The following TUBGCP2 variants were observed in gnomAD, a reference collection of about 807,000 sequenced individuals.
TUBGCP2 encodes gamma-tubulin complex component 2.
Under a neutral mutation model 92.2 loss-of-function variants are expected in TUBGCP2, and 55 were observed. The ratio of observed to expected loss-of-function variants is 0.60; its 90% CI spans 0.48 to 0.75. The LOEUF (loss-of-function observed/expected upper bound fraction) is 0.75, where lower values mean the gene tolerates loss of function less well. TUBGCP2 is among the 30% of genes least tolerant of loss of function. TUBGCP2 has a pLI of 0.00. For missense variants in TUBGCP2, 1,093 were observed against 1,188.9 expected, an observed-to-expected ratio of 0.92 and a Z score of 1.19; for synonymous variants, 533 against 505.2, an observed-to-expected ratio of 1.06 and a Z score of -0.74.
intron 2 of TUBGCP2, chr10:133,302,576 C>A: frequency 1.7e-6 from 1 of 593,436 alleles, no homozygotes; most frequent in Admixed American, 3.0e-5. Context: ...GTTCACCCTG[C>A]ACCATCCTGA....
At chr10:133,289,121 G>A (rs1847208703) in intron 9 of TUBGCP2, 101 bp from the exon 10 acceptor site, 2 of 1,331,610 alleles carry the variant, frequency 1.5e-6, no homozygotes, top group Non-Finnish European at 1.0e-6. Context: ...CATTGAATGG[G>A]CTCTCCACAC....
At chr10:133,288,022 C>T in intron 11 of TUBGCP2, 107 bp downstream of exon 11, 1 of 1,394,236 alleles carries the variant, frequency 7.2e-7, no homozygotes, top group Non-Finnish European at 9.5e-7. Flanking sequence ...CCTGCGGTCG[C>T]CTCACCGGGA....
chr10:133,299,764 C>T (rs559504064), intron 3 of TUBGCP2, among the ~76,000 whole-genome samples, 161 bp from the exon 4 acceptor site: 3 of 152,284 alleles, frequency 2.0e-5, no homozygotes, highest in East Asian at 1.9e-4. Context: ...GTGACACATG[C>T]GGGAAGCTCA....
chr10:133,307,717 C>T (rs1407520715), intron 1 of TUBGCP2, among the ~76,000 whole-genome samples: 2 of 152,156 alleles, frequency 1.3e-5, no homozygotes, highest in Non-Finnish European at 2.9e-5. Context: ...TGCACTCCAG[C>T]CTGAGCGACA....
At chr10:133,299,202 T>C (rs1039090576) in intron 4 of TUBGCP2, among the ~76,000 whole-genome samples, 1 of 152,104 alleles carries the variant, frequency 6.6e-6, no homozygotes, top group Non-Finnish European at 1.5e-5. Flanking sequence ...CTATTGATTC[T>C]TGTGGTCCAG....
Position 133,288,899 on chromosome 10 carries a change from G to A in TUBGCP2, c.1482C>T (p.Tyr494=), listed in dbSNP as rs373961133. The A allele has an allele frequency of 1.2e-5, 20 of 1,614,046 alleles. No individual in the cohort carries two copies. Among genetic ancestry groups the A allele is most frequent in the African/African-American group, 5.3e-5 (4 of 74,946 alleles). ...GGAAGTCCAGCAGCACCTTGCTGGC[G>A]TAGTTAAACGCCTTCTCGATCTGCT... ...YVEQIEKAFN[Y]ASKVLLDFLM... is the part of the protein sequence containing the mutation. The change falls in exon 10 of 18, where the codon TAC becomes TAT. Residue 494 remains tyrosine (Y), a synonymous_variant. Transcript: ENST00000252936.
At chr10:133,303,482 C>A (rs1847729586) in intron 1 of TUBGCP2, among the ~76,000 whole-genome samples, 2 of 152,372 alleles carry the variant, frequency 1.3e-5, no homozygotes, top group South Asian at 4.1e-4. Context: ...GCAGGGAATG[C>A]TCTGCTGCTC....
Position 133,279,605 on chromosome 10 carries a change from G to C in TUBGCP2, c.*161C>G. The C allele has an allele frequency of 8.5e-7, 1 of 1,175,436 alleles. No individual in the cohort carries two copies. The highest frequency in any genetic ancestry group is 1.1e-6 in the Non-Finnish European group (1 of 889,960). The allele number at this position is 1,175,436 out of a possible 1,614,324, so 72.8% of individuals were successfully genotyped here. On this transcript the variant is annotated 3_prime_UTR_variant, in exon 18 of 18. Transcript: ENST00000252936. The stretch of plus-strand genomic sequence containing the variant: ...CCTGCCTGGGCAGCTTCTATAAAAC[G>C]AAACCCAGCGCCTTGAGAAACAAAG...
chr10:133,293,011 G>T, intron 7 of TUBGCP2, 28 bp downstream of exon 7: 2 of 1,607,994 alleles, frequency 1.2e-6, no homozygotes, highest in African/African-American at 1.3e-5. Flanking sequence ...ACCCACCACT[G>T]CCCCATGCCC....
intron 17 of TUBGCP2, among the ~76,000 whole-genome samples, 162 bp from the exon 18 acceptor site, chr10:133,280,063 CCTT>C (rs1318798129): frequency 5.3e-5 from 8 of 152,188 alleles, no homozygotes; most frequent in Admixed American, 1.3e-4. Flanking sequence ...GGCACACACT[CCTT>C]CTGCGGGTCC....
intron 16 of TUBGCP2, 112 bp downstream of exon 16, chr10:133,282,111 G>A (rs1008275822): frequency 1.7e-5 from 25 of 1,511,740 alleles, no homozygotes; most frequent in Non-Finnish European, 2.1e-5. Flanking sequence ...TTCAATCTGA[G>A]GGGAGATGGA....
At chr10:133,282,863 G>A (rs926085361) in intron 15 of TUBGCP2, among the ~76,000 whole-genome samples, 2 of 152,226 alleles carry the variant, frequency 1.3e-5, no homozygotes, top group Admixed American at 1.3e-4. Context: ...GATGGTTCGG[G>A]AGGAACACAG....
At chr10:133,293,438 G>A (rs149575927) in intron 6 of TUBGCP2, 124 bp downstream of exon 6, 239 of 1,259,908 alleles carry the variant, frequency 1.9e-4, no homozygotes, top group African/African-American at 1.5e-3. Flanking sequence ...AGTTGGGCAC[G>A]GAGTTGTCAC....
upstream of TUBGCP2, among the ~76,000 whole-genome samples, chr10:133,311,338 G>A (rs761524239): frequency 8.5e-5 from 13 of 152,282 alleles, no homozygotes; most frequent in South Asian, 6.2e-4. Flanking sequence ...GAGAAAAACC[G>A]TGCAATGCTG....
chr10:133,282,201 G>T, intron 16 of TUBGCP2, 22 bp downstream of exon 16: 2 of 1,611,112 alleles, frequency 1.2e-6, no homozygotes, highest in Non-Finnish European at 1.7e-6. Flanking sequence ...TCTCTCTCTG[G>T]CCAAACCTGG....
Position 133,285,255 on chromosome 10 carries a change from C to A in TUBGCP2, c.1896-42G>T. 1 of 1,607,700 alleles carries A rather than the reference C, an allele frequency of 6.2e-7. No homozygotes were observed. Among genetic ancestry groups the A allele is most frequent in the Non-Finnish European group, 8.5e-7 (1 of 1,179,772 alleles). On this transcript the variant is annotated intron_variant, in intron 12 of 17. Coordinates refer to ENST00000252936, the MANE Select transcript of TUBGCP2 (RefSeq NM_006659.4). The surrounding 1 kb of genome is among the most constrained non-coding windows in gnomAD (Gnocchi z 6.8). ...GGCACCTCAGGTGGGCCTCCGTGAC[C>A]GGCGGCGTCGTGGACACGGCGTCTG...
At chr10:133,308,700 A>C (rs1847889825) in intron 1 of TUBGCP2, 123 bp downstream of exon 1, 2 of 290,920 alleles carry the variant, frequency 6.9e-6, no homozygotes, top group Admixed American at 5.2e-5. Context: ...ACCGCTGCAC[A>C]GCCAGAGGGA....
Position 133,302,920 on chromosome 10 carries a change from G to A in TUBGCP2, c.22C>T (p.His8Tyr). 1.2e-6 allele frequency: 2 copies of A among 1,614,024 alleles called. No individual in the cohort carries two copies. The highest frequency in any genetic ancestry group is 2.2e-5 in the East Asian group (1 of 44,890). Residue 8 changes from histidine (H) to tyrosine (Y), a missense_variant, in exon 2 of 18, where the codon CAT (histidine) becomes TAT (tyrosine). This residue lies in a region of TUBGCP2 where 490 missense variants were observed against 488.5 expected (regional missense o/e 1.00). Transcript: ENST00000252936. ...AGGCTAAGCAGTTCATTGACGTCAT[G>A]GTGAATCCGAAATTCACTCATAGTT... Reference protein sequence around the residue: MSEFRIHHDVNELLSLLR... With the variant: MSEFRIHYDVNELLSLLR...
At position 133,299,997 on chromosome 10, in the gene TUBGCP2, C is replaced by T. The variant is rs182734730; in HGVS notation, c.267G>A (p.Thr89=). 100 of 1,614,060 alleles carry T rather than the reference C, an allele frequency of 6.2e-5. No individual in the cohort carries two copies. The highest frequency in any genetic ancestry group is 5.8e-4 in the Admixed American group (35 of 59,994). The change falls in exon 3 of 18, where the codon ACG becomes ACA. Residue 89 remains threonine (T), a synonymous_variant. Coordinates refer to ENST00000252936, the MANE Select transcript of TUBGCP2 (RefSeq NM_006659.4). ...DPLVYLLSKL[T]EDKETLQYLQ... is the part of the protein sequence containing the mutation. Reference sequence around the variant, plus strand: ...CATGGGCACCTACCTCTTTGTCTTCCGTGAGCTTTGACAACAGGTACACCA... The same window carrying T: ...CATGGGCACCTACCTCTTTGTCTTCTGTGAGCTTTGACAACAGGTACACCA...
Sources: allele counts gnomAD v4.1 joint callset (sites outside exome capture counted in the v4.1 genomes callset), GRCh38; gene constraint gnomAD v4.1.1; regional missense constraint gnomAD v4.1.1; non-coding constraint Gnocchi (gnomAD v3.1); transcripts MANE v1.5; gene names NCBI Gene and HGNC (gene_info 2026-07-23, HGNC 2026-07-21).